JOSD1: variants seen among roughly 807,000 people sequenced by gnomAD.
The protein encoded by JOSD1 is Josephin domain containing 1.
JOSD1 carries 11 observed loss-of-function variants against 24.3 expected under a neutral mutation model. The ratio of observed to expected loss-of-function variants is 0.45; its 90% CI spans 0.29 to 0.75. The LOEUF (loss-of-function observed/expected upper bound fraction) is 0.75. Ranked by LOEUF, JOSD1 falls within the 30% of genes least tolerant of loss-of-function variation. The pLI is 0.11. For synonymous variants in JOSD1, 106 were observed against 93.8 expected, an observed-to-expected ratio of 1.13 and a Z score of -0.75; for missense variants, 184 against 253.5, an observed-to-expected ratio of 0.73 and a Z score of 1.86.
At chr22:38,700,978 T>C (rs368773557), upstream of JOSD1, 22 of 984,552 alleles carry the variant, frequency 2.2e-5, no homozygotes, top group African/African-American at 1.6e-4. Context: ...GAGCCCGACG[T>C]CAGCGGCCCC....
chr22:38,691,366 G>GAA (rs370232425), intron 2 of JOSD1, among the ~76,000 whole-genome samples: 15 of 109,148 alleles, frequency 1.4e-4, no homozygotes, highest in Middle Eastern at 3.9e-3. Flanking sequence ...CAAAAAAAAA[G>GAA]AAAAAAAAAA....
chr22:38,697,629 A>G (rs1187102272), intron 2 of JOSD1, among the ~76,000 whole-genome samples: 2 of 152,266 alleles, frequency 1.3e-5, no homozygotes, highest in African/African-American at 4.8e-5. Flanking sequence ...AGTACTCGAG[A>G]AACAGGAGAG....
rs1299808937 is a variant in JOSD1, at chr22:38,686,708, T to C, written c.*1194A>G. ...ACAGTGGCAGCCTCCGAGCCTAGAGTGTCTACTGAATTGTGGCTGCCCCTA... is the reference window on the plus strand; with the variant it reads ...ACAGTGGCAGCCTCCGAGCCTAGAGCGTCTACTGAATTGTGGCTGCCCCTA... On this transcript the variant is annotated 3_prime_UTR_variant, in exon 5 of 5. Coordinates refer to ENST00000683374, the MANE Select transcript of JOSD1 (RefSeq NM_001360236.2). 6.6e-6 allele frequency: 1 copy of C among 152,014 alleles called. No individual in the cohort carries two copies. Among genetic ancestry groups the C allele is most frequent in the Non-Finnish European group, 1.5e-5 (1 of 68,056 alleles). 9.4% of individuals were successfully genotyped at this position (152,014 alleles called of 1,614,324 possible).
intron 2 of JOSD1, among the ~76,000 whole-genome samples, chr22:38,699,353 G>A (rs1209527766): frequency 6.6e-5 from 10 of 152,170 alleles, no homozygotes; most frequent in Admixed American, 6.5e-4. Flanking sequence ...CACCTTTAAA[G>A]ACAGGTGACT....
In JOSD1 at chr22:38,687,723, C is replaced by CA. The variant is rs1476481646; in HGVS notation, c.*178dup. 3.5e-6 allele frequency: 2 copies of CA among 567,692 alleles called. No homozygotes were observed. The highest frequency in any genetic ancestry group is 6.3e-6 in the Non-Finnish European group (2 of 316,350). The allele number at this position is 567,692 out of a possible 1,614,324, so 35.2% of individuals were successfully genotyped here. A position where few individuals can be genotyped will look rare whatever the true frequency, so the allele number is the denominator to read the frequency against. ...AACTCCTACCTTCCTTGCCCAGGAACAAAACACTGAGTAGTTCTTATAACA... is the reference window on the plus strand; with the variant it reads ...AACTCCTACCTTCCTTGCCCAGGAACAAAAACACTGAGTAGTTCTTATAACA... On this transcript the variant is annotated 3_prime_UTR_variant, in exon 5 of 5. Coordinates refer to ENST00000683374, the MANE Select transcript of JOSD1 (RefSeq NM_001360236.2).
intron 2 of JOSD1, among the ~76,000 whole-genome samples, chr22:38,695,287 G>T (rs994410787): frequency 7.2e-5 from 11 of 152,194 alleles, no homozygotes; most frequent in African/African-American, 2.4e-4. Flanking sequence ...TCTAAATGTG[G>T]CCCCTTCCAC....
intron 2 of JOSD1, 61 bp from the exon 3 acceptor site, chr22:38,689,485 A>G: frequency 1.2e-6 from 2 of 1,600,476 alleles, no homozygotes; most frequent in Non-Finnish European, 1.7e-6. Context: ...CTGACCCCGC[A>G]CTACCAGGGA....
chr22:38,699,983 C>T lies in JOSD1; in HGVS notation c.5G>A (p.Ser2Asn). The T allele has an allele frequency of 6.3e-7, 1 of 1,594,586 alleles. No homozygotes were observed. Among genetic ancestry groups the T allele is most frequent in the South Asian group, 1.1e-5 (1 of 88,932 alleles). ...CTTGTCTCCTTTCCATGGCACACAA[C>T]TCATGTTTTTTGTTTTAGGTTCCAG... M[S>N]CVPWKGDKAK... is the part of the protein sequence containing the mutation. The change falls in exon 2 of 5, where the codon AGT becomes AAT. Residue 2 changes from serine to asparagine, a missense_variant. Coordinates refer to ENST00000683374, the MANE Select transcript of JOSD1 (RefSeq NM_001360236.2).
At position 38,688,916 on chromosome 22, in the gene JOSD1, C is replaced by T; in HGVS notation, c.509+19G>A. The T allele has an allele frequency of 6.2e-7, 1 of 1,602,434 alleles. No individual in the cohort carries two copies. The highest frequency in any genetic ancestry group is 1.1e-5 in the South Asian group (1 of 90,118). Reference sequence around the variant, plus strand: ...AAATGAAGCAGCCTAGCAACTTAGTCACAAAAGGTGCCGATTACCTGAGCT... The same window carrying T: ...AAATGAAGCAGCCTAGCAACTTAGTTACAAAAGGTGCCGATTACCTGAGCT... On this transcript the variant is annotated intron_variant, in intron 4 of 4. Transcript: ENST00000683374.
chr22:38,698,103 C>T (rs2092552862), intron 2 of JOSD1, among the ~76,000 whole-genome samples: 1 of 152,182 alleles, frequency 6.6e-6, no homozygotes. Context: ...CTAGTTTTAG[C>T]TCAGGAAATA....
intron 2 of JOSD1, among the ~76,000 whole-genome samples, chr22:38,698,321 C>T (rs1732162618): frequency 1.3e-5 from 2 of 152,176 alleles, no homozygotes; most frequent in South Asian, 2.1e-4. Flanking sequence ...TAAGGCATTA[C>T]TCTGGTTACT....
At chr22:38,699,321 G>A (rs1238001977) in intron 2 of JOSD1, among the ~76,000 whole-genome samples, 1 of 152,188 alleles carries the variant, frequency 6.6e-6, no homozygotes, top group Non-Finnish European at 1.5e-5. Context: ...TATACATCTT[G>A]CTTGTGGTAC....
At position 38,700,082 on chromosome 22, in the gene JOSD1, G is replaced by A; in HGVS notation, c.-95C>T. ...TTCTCAGTCTTTTCCGGATTCCTGAGGTCCACCTTATTCTCTGGTGTCCAT... is the reference window on the plus strand; with the variant it reads ...TTCTCAGTCTTTTCCGGATTCCTGAAGTCCACCTTATTCTCTGGTGTCCAT... On this transcript the variant is annotated 5_prime_UTR_variant, in exon 2 of 5. Transcript: ENST00000683374. The A allele has an allele frequency of 4.0e-6, 6 of 1,493,072 alleles. 1 individual carries two copies. The South Asian group carries it at 5.7e-5, about 14-fold the overall frequency. The allele number at this position is 1,493,072 out of a possible 1,614,324, so 92.5% of individuals were successfully genotyped here.
Position 38,700,575 on chromosome 22 carries a change from C to G in JOSD1, c.-588G>C. ...CGGGTACGGTGGGGCCCGCAGGGCG[C>G]GGCTCCCTCGGAAGGCGCGGATTCT... On this transcript the variant is annotated 5_prime_UTR_variant, in exon 2 of 5. Transcript: ENST00000683374. 1.0e-6 allele frequency: 1 copy of G among 985,272 alleles called. No homozygotes were observed. Among genetic ancestry groups the G allele is most frequent in the Non-Finnish European group, 1.2e-6 (1 of 829,798 alleles). 61.0% of individuals were successfully genotyped at this position (985,272 alleles called of 1,614,324 possible).
rs765561728 is a variant in JOSD1, at chr22:38,687,869, G to A, written c.*33C>T. 6.9e-6 allele frequency: 10 copies of A among 1,445,000 alleles called. No individual in the cohort carries two copies. Among genetic ancestry groups the A allele is most frequent in the Admixed American group, 3.3e-5 (2 of 59,738 alleles). 89.5% of individuals were successfully genotyped at this position (1,445,000 alleles called of 1,614,324 possible). A position where few individuals can be genotyped will look rare whatever the true frequency, so the allele number is the denominator to read the frequency against. ...CACAGCACGTCACAGAGGACTGAAGGGGCTGAGGCGAGAGGGAGGTTGGGC... is the reference window on the plus strand; with the variant it reads ...CACAGCACGTCACAGAGGACTGAAGAGGCTGAGGCGAGAGGGAGGTTGGGC... On this transcript the variant is annotated 3_prime_UTR_variant, in exon 5 of 5. Transcript: ENST00000683374.
chr22:38,694,671 G>C (rs1000178459), intron 2 of JOSD1, among the ~76,000 whole-genome samples: 2 of 151,952 alleles, frequency 1.3e-5, no homozygotes, highest in Non-Finnish European at 2.9e-5. Flanking sequence ...GACCATCTTG[G>C]CTAACACGGT....
chr22:38,688,786 G>A (rs2092509157), intron 4 of JOSD1, 149 bp downstream of exon 4: 5 of 748,856 alleles, frequency 6.7e-6, no homozygotes, highest in Admixed American at 5.0e-5. Flanking sequence ...ATTAAGGTCA[G>A]GTCCGAGACA....
At chr22:38,700,967 T>C, upstream of JOSD1, 1 of 984,472 alleles carries the variant, frequency 1.0e-6, no homozygotes, top group Non-Finnish European at 1.2e-6. Context: ...CGCGCGCACC[T>C]GAGCCCGACG....
intron 2 of JOSD1, among the ~76,000 whole-genome samples, chr22:38,696,040 G>C (rs1425420102): frequency 6.6e-6 from 1 of 152,118 alleles, no homozygotes; most frequent in Non-Finnish European, 1.5e-5. Context: ...TAGGCAGACA[G>C]AGCAAGACTC....
Sources: allele counts gnomAD v4.1 joint callset (sites outside exome capture counted in the v4.1 genomes callset), GRCh38; gene constraint gnomAD v4.1.1; transcripts MANE v1.5; gene names NCBI Gene and HGNC (gene_info 2026-07-23, HGNC 2026-07-21).